MAST4: variants seen among roughly 807,000 people sequenced by gnomAD.
The protein encoded by MAST4 is microtubule-associated serine/threonine-protein kinase 4.
Under a neutral mutation model 162.7 loss-of-function variants are expected in MAST4, and 89 were observed. That is an observed-to-expected ratio of 0.55 (90% confidence interval 0.46 to 0.65). The LOEUF (loss-of-function observed/expected upper bound fraction) is 0.65. Among genes scored for constraint, MAST4 ranks in the 30% least tolerant of loss-of-function variants. The pLI is 0.00. For synonymous variants in MAST4, 1,479 were observed against 1,361.1 expected (o/e 1.09, Z -1.91); for missense variants, 3,153 against 3,374.0 (o/e 0.93, Z 1.62).
At chr5:66,674,728 C>T (rs955233781) in intron 1 of MAST4, among the ~76,000 whole-genome samples, 16 of 152,118 alleles carry the variant, frequency 1.1e-4, no homozygotes, top group Admixed American at 3.9e-4. Flanking sequence ...AGTCACTTCT[C>T]GTTTTCAAAA....
intron 3 of MAST4, among the ~76,000 whole-genome samples, chr5:66,854,612 G>A (rs1759541382): frequency 6.6e-6 from 1 of 152,056 alleles, no homozygotes; most frequent in South Asian, 2.1e-4. Context: ...GCATGGGAGA[G>A]GGCAAGAGAG....
chr5:66,826,278 T>C (rs1465364129), intron 3 of MAST4, among the ~76,000 whole-genome samples: 1 of 152,018 alleles, frequency 6.6e-6, no homozygotes, highest in Non-Finnish European at 1.5e-5. Context: ...ATAATCCTCA[T>C]TTTAGACTTA....
intron 15 of MAST4, among the ~76,000 whole-genome samples, chr5:67,130,824 A>G (rs746163407): frequency 2.6e-5 from 4 of 152,190 alleles, no homozygotes; most frequent in Non-Finnish European, 5.9e-5. Flanking sequence ...TAAAATGGAA[A>G]AGGAGATACA....
At chr5:66,976,941 TGGAAATATAAAA>T (rs1221640878) in intron 4 of MAST4, among the ~76,000 whole-genome samples, 1 of 152,132 alleles carries the variant, frequency 6.6e-6, no homozygotes, top group Non-Finnish European at 1.5e-5. Context: ...TGATGATGAT[TGGAAATATAAAA>T]GGAACTAAAT....
At chr5:66,752,346 T>C (rs926060184) in intron 1 of MAST4, among the ~76,000 whole-genome samples, 8 of 150,568 alleles carry the variant, frequency 5.3e-5, no homozygotes, top group East Asian at 1.9e-4. Context: ...AGACACAGAC[T>C]GGCAAATTGG....
At chr5:67,113,564 A>C (rs1181525723) in intron 11 of MAST4, among the ~76,000 whole-genome samples, 3 of 152,202 alleles carry the variant, frequency 2.0e-5, no homozygotes, top group African/African-American at 7.2e-5. Context: ...ACTTAATATT[A>C]TAGTTAACTA....
At chr5:66,621,351 G>T (rs780651934) in intron 1 of MAST4, among the ~76,000 whole-genome samples, 3 of 152,140 alleles carry the variant, frequency 2.0e-5, no homozygotes, top group Non-Finnish European at 4.4e-5. Context: ...CTTTTGTCTC[G>T]CAGTGTGCTA....
intron 1 of MAST4, among the ~76,000 whole-genome samples, chr5:66,707,327 G>C (rs1303277534): frequency 6.6e-6 from 1 of 152,192 alleles, no homozygotes; most frequent in Non-Finnish European, 1.5e-5. Context: ...TGATAGTAGA[G>C]CCACAGCTGT....
At chr5:66,965,101 T>TG (rs1746536132) in intron 4 of MAST4, among the ~76,000 whole-genome samples, 1 of 152,106 alleles carries the variant, frequency 6.6e-6, no homozygotes, top group African/African-American at 2.4e-5. Context: ...CTTCTGCTGA[T>TG]GGGATTATAC....
intron 4 of MAST4, among the ~76,000 whole-genome samples, chr5:67,032,312 A>C (rs1755438520): frequency 6.6e-6 from 1 of 152,204 alleles, no homozygotes; most frequent in South Asian, 2.1e-4. Flanking sequence ...GGGAGATTTA[A>C]GAAAGGTTGG....
At chr5:66,902,659 A>G (rs1022891385) in intron 4 of MAST4, 2 of 470,128 alleles carry the variant, frequency 4.3e-6, no homozygotes, top group African/African-American at 4.0e-5. Flanking sequence ...GTGCAGAAGC[A>G]GTGATTGTGA....
At chr5:66,986,568 C>CAT (rs1421400938) in intron 4 of MAST4, 11 of 703,172 alleles carry the variant, frequency 1.6e-5, no homozygotes, top group Middle Eastern at 2.9e-4. Flanking sequence ...TCCATATAGA[C>CAT]ATATATATAT....
intron 1 of MAST4, among the ~76,000 whole-genome samples, chr5:66,736,922 G>A (rs190853426): frequency 9.2e-5 from 14 of 152,234 alleles, no homozygotes; most frequent in African/African-American, 2.4e-4. Context: ...ACATGTTTGC[G>A]TCCCCTCTGT....
At chr5:66,609,436 C>T (rs1357441923) in intron 1 of MAST4, among the ~76,000 whole-genome samples, 1 of 145,038 alleles carries the variant, frequency 6.9e-6, no homozygotes, top group Non-Finnish European at 1.5e-5. Flanking sequence ...GTTTCCCAGA[C>T]TGAAGTGCAG....
chr5:67,071,035 A>C (rs1760910799), intron 5 of MAST4, among the ~76,000 whole-genome samples: 1 of 152,200 alleles, frequency 6.6e-6, no homozygotes, highest in Non-Finnish European at 1.5e-5. Flanking sequence ...TTCATTTATT[A>C]ATCTGTAATA....
chr5:67,110,348 G>A (rs1252726221), intron 11 of MAST4, 149 bp downstream of exon 11: 4 of 612,874 alleles, frequency 6.5e-6, no homozygotes, highest in South Asian at 4.0e-5. Context: ...TGATGATGTC[G>A]ATATGTGACT....
chr5:66,760,499 A>AT (rs1222045889), intron 2 of MAST4, among the ~76,000 whole-genome samples: 1 of 152,156 alleles, frequency 6.6e-6, no homozygotes, highest in Admixed American at 6.5e-5. Flanking sequence ...AGGATATAAA[A>AT]TGTTTCCCAT....
chr5:67,107,522 C>A (rs1267529933), intron 10 of MAST4, among the ~76,000 whole-genome samples: 1 of 152,184 alleles, frequency 6.6e-6, no homozygotes, highest in Non-Finnish European at 1.5e-5. Flanking sequence ...ATCACATTTA[C>A]AGTATTTTTC....
intron 4 of MAST4, among the ~76,000 whole-genome samples, chr5:66,929,284 G>A (rs1006559395): frequency 7.9e-5 from 12 of 152,124 alleles, no homozygotes; most frequent in African/African-American, 2.9e-4. Context: ...GGCAGGAGAA[G>A]ACACATGTCC....
Sources: allele counts gnomAD v4.1 joint callset (sites outside exome capture counted in the v4.1 genomes callset), GRCh38; gene constraint gnomAD v4.1.1; transcripts MANE v1.5; gene names NCBI Gene and HGNC (gene_info 2026-07-23, HGNC 2026-07-21).